EIF4H: variants seen among roughly 807,000 people sequenced by gnomAD.
The protein encoded by EIF4H is eukaryotic translation initiation factor 4H.
A neutral mutation model predicts 30.6 loss-of-function variants in EIF4H; 8 were observed. The observed-to-expected ratio is 0.26, with a 90% CI of 0.15 to 0.47. EIF4H has a LOEUF of 0.47. EIF4H is among the 20% of genes least tolerant of loss of function. EIF4H has a pLI of 0.99. For synonymous variants in EIF4H, 106 were observed against 122.7 expected (o/e 0.86, Z 0.90); for missense variants, 188 against 339.5 (o/e 0.55, Z 3.51).
chr7:74,181,742 C>A (rs954712183), intron 1 of EIF4H, among the ~76,000 whole-genome samples: 3 of 134,082 alleles, frequency 2.2e-5, no homozygotes, highest in Non-Finnish European at 4.9e-5. Flanking sequence ...CCGAGCCCGG[C>A]CTTTTTTTTT....
chr7:74,190,341 C>G, intron 5 of EIF4H, 35 bp downstream of exon 5: 1 of 1,600,916 alleles, frequency 6.2e-7, no homozygotes, highest in Non-Finnish European at 8.6e-7. Context: ...CTTAATTTTT[C>G]CTAGGAGCCT....
chr7:74,181,557 G>A (rs1332029740), intron 1 of EIF4H, among the ~76,000 whole-genome samples: 3 of 151,896 alleles, frequency 2.0e-5, no homozygotes, highest in African/African-American at 2.4e-5. Context: ...TCAGCCTCCC[G>A]AGTAGCTGGG....
intron 5 of EIF4H, among the ~76,000 whole-genome samples, chr7:74,192,758 A>G (rs1051169146): frequency 9.8e-5 from 14 of 143,350 alleles, no homozygotes; most frequent in Non-Finnish European, 2.1e-4. Flanking sequence ...GTTCACTGCA[A>G]TCTCCGCCTC....
At chr7:74,195,113 T>C in intron 6 of EIF4H, 56 bp from the exon 7 acceptor site, 1 of 1,593,544 alleles carries the variant, frequency 6.3e-7, no homozygotes, top group Non-Finnish European at 8.6e-7. Context: ...CATGGTCGTT[T>C]TGCTGGATAT....
Position 74,174,372 on chromosome 7 carries a change from C to T in EIF4H, c.-12C>T, listed in dbSNP as rs528669680. Reference sequence around the variant, plus strand: ...TCGCTCACCCTGGTTCCTCTCGGAGCGGAGACGGCAAATGGCGGACTTCGA... The same window carrying T: ...TCGCTCACCCTGGTTCCTCTCGGAGTGGAGACGGCAAATGGCGGACTTCGA... On this transcript the variant is annotated 5_prime_UTR_variant, in exon 1 of 7. Transcript: ENST00000265753. 3 of 1,447,898 alleles carry T rather than the reference C, an allele frequency of 2.1e-6. No homozygotes were observed. The highest frequency in any genetic ancestry group is 2.1e-5 in the Admixed American group (1 of 47,336). The allele number at this position is 1,447,898 out of a possible 1,614,324, so 89.7% of individuals were successfully genotyped here.
intron 5 of EIF4H, chr7:74,191,189 A>T (rs1554709881): frequency 1.7e-5 from 9 of 533,648 alleles, no homozygotes; most frequent in South Asian, 1.4e-5. Context: ...ATAGTTCTTA[A>T]AAGTCCTGTA....
At chr7:74,195,081 G>A (rs371678214) in intron 6 of EIF4H, 88 bp from the exon 7 acceptor site, 4 of 1,561,678 alleles carry the variant, frequency 2.6e-6, no homozygotes. Context: ...AAAGTGGGCT[G>A]GTTTGCTGAC....
intron 6 of EIF4H, 66 bp from the exon 7 acceptor site, chr7:74,195,103 C>T: frequency 6.3e-7 from 1 of 1,588,026 alleles, no homozygotes; most frequent in South Asian, 1.1e-5. Context: ...GCAACATCAG[C>T]ATGGTCGTTT....
At chr7:74,187,584 T>A in intron 1 of EIF4H, 27 bp from the exon 2 acceptor site, 2 of 1,540,684 alleles carry the variant, frequency 1.3e-6, no homozygotes, top group African/African-American at 1.4e-5. Flanking sequence ...CTGGGCACAC[T>A]TGAATCCTGT....
At chr7:74,192,610 TGTGC>T (rs1801245003) in intron 5 of EIF4H, among the ~76,000 whole-genome samples, 1 of 151,548 alleles carries the variant, frequency 6.6e-6, no homozygotes, top group South Asian at 2.1e-4. Flanking sequence ...GCTGCTCCTG[TGTGC>T]TACAGATCAC....
In EIF4H at chr7:74,174,466, C is replaced by A. The variant is rs373308938; in HGVS notation, c.59+24C>A. On this transcript the variant is annotated intron_variant, in intron 1 of 6. Transcript: ENST00000265753. Reference sequence around the variant, plus strand: ...GGGTGAGGCGGGCGTGCGCGGGCCCCGTCGGGGGCTGCGGGACCGGCGGAG... The same window carrying A: ...GGGTGAGGCGGGCGTGCGCGGGCCCAGTCGGGGGCTGCGGGACCGGCGGAG... 2.3e-5 allele frequency: 32 copies of A among 1,401,542 alleles called. No individual in the cohort carries two copies. The African/African-American group carries it at 4.1e-4, about 18-fold the overall frequency. The allele number at this position is 1,401,542 out of a possible 1,614,324, so 86.8% of individuals were successfully genotyped here.
chr7:74,188,549 C>T (rs1219083227), intron 2 of EIF4H, among the ~76,000 whole-genome samples: 2 of 152,110 alleles, frequency 1.3e-5, no homozygotes, highest in African/African-American at 2.4e-5. Flanking sequence ...TTTTGTGTGT[C>T]GGTGGCACTC....
chr7:74,176,818 A>C (rs1800852623), intron 1 of EIF4H, among the ~76,000 whole-genome samples: 1 of 152,244 alleles, frequency 6.6e-6, no homozygotes, highest in Non-Finnish European at 1.5e-5. Context: ...ATCAAAACAA[A>C]ATTCCAAATG....
chr7:74,190,335 A>G (rs781930395), intron 5 of EIF4H, 29 bp downstream of exon 5: 9 of 1,609,352 alleles, frequency 5.6e-6, no homozygotes, highest in Non-Finnish European at 5.1e-6. Flanking sequence ...TCACCACTTA[A>G]TTTTTCCTAG....
At chr7:74,187,827 T>A (rs1563952228) in intron 2 of EIF4H, 29 bp downstream of exon 2, 1 of 1,544,578 alleles carries the variant, frequency 6.5e-7, no homozygotes, top group East Asian at 2.3e-5. Flanking sequence ...TATTGTATAT[T>A]ACTGTAAAGT....
At chr7:74,182,868 G>C (rs1241386113) in intron 1 of EIF4H, among the ~76,000 whole-genome samples, 6 of 152,162 alleles carry the variant, frequency 3.9e-5, no homozygotes, top group African/African-American at 7.2e-5. Flanking sequence ...GGCCCCATCT[G>C]CCATCTGGAA....
chr7:74,193,374 C>G (rs1801267986), intron 5 of EIF4H, among the ~76,000 whole-genome samples: 1 of 152,144 alleles, frequency 6.6e-6, no homozygotes, highest in African/African-American at 2.4e-5. Flanking sequence ...TGGTATCTAG[C>G]TTGGGATTAC....
intron 6 of EIF4H, 86 bp downstream of exon 6, chr7:74,194,964 A>G (rs1801308881): frequency 2.0e-6 from 3 of 1,521,240 alleles, no homozygotes; most frequent in African/African-American, 1.4e-5. Context: ...TTGGCGTTCT[A>G]CGGCACACAG....
chr7:74,180,142 A>G (rs1159533317), intron 1 of EIF4H, among the ~76,000 whole-genome samples: 1 of 152,190 alleles, frequency 6.6e-6, no homozygotes, highest in African/African-American at 2.4e-5. Flanking sequence ...GGCTGCAGTG[A>G]GCAGTGATTG....
Sources: allele counts gnomAD v4.1 joint callset (sites outside exome capture counted in the v4.1 genomes callset), GRCh38; gene constraint gnomAD v4.1.1; transcripts MANE v1.5; gene names NCBI Gene and HGNC (gene_info 2026-07-23, HGNC 2026-07-21).